Variants in LHPP observed in about 807,000 individuals in gnomAD.
The protein encoded by LHPP is phospholysine phosphohistidine inorganic pyrophosphate phosphatase, also known as hLHPP.
A neutral mutation model predicts 30.3 loss-of-function variants in LHPP; 24 were observed. The ratio of observed to expected loss-of-function variants is 0.79; its 90% CI spans 0.57 to 1.11. LHPP has a LOEUF of 1.11. Ranked by LOEUF, LHPP falls within the 50% of genes most tolerant of loss-of-function variation. LHPP has a pLI of 0.00. For missense variants in LHPP, 356 were observed against 367.2 expected, an observed-to-expected ratio of 0.97 and a Z score of 0.25; for synonymous variants, 150 against 157.1, an observed-to-expected ratio of 0.95 and a Z score of 0.34.
At chr10:124,498,759 T>C in intron 5 of LHPP, 1 of 452,852 alleles carries the variant, frequency 2.2e-6, no homozygotes, top group Non-Finnish European at 4.3e-6. Context: ...AGCCTGGACC[T>C]CCCAGGCTCA....
rs1949232865 is a variant in LHPP at position 124,613,680 on chromosome 10, T to C, written c.*320T>C. ...GACAGGCCTGTCAGGCCTCTGGGAA[T>C]CTCCCAAATCCCAGAACTCACCACT... On this transcript the variant is annotated 3_prime_UTR_variant, in exon 7 of 7. Transcript: ENST00000368842. 2.3e-6 allele frequency: 1 copy of C among 435,334 alleles called. No individual in the cohort carries two copies. Among genetic ancestry groups the C allele is most frequent in the Non-Finnish European group, 4.2e-6 (1 of 236,056 alleles). 27.0% of individuals were successfully genotyped at this position (435,334 alleles called of 1,614,324 possible).
chr10:124,608,405 C>G (rs562566419), intron 6 of LHPP, among the ~76,000 whole-genome samples: 4 of 152,194 alleles, frequency 2.6e-5, no homozygotes, highest in African/African-American at 9.7e-5. Flanking sequence ...TTAGCCACAA[C>G]AGCGCCCACA....
chr10:124,504,492 T>C (rs1589803753), intron 5 of LHPP, among the ~76,000 whole-genome samples: 2 of 146,150 alleles, frequency 1.4e-5, no homozygotes, highest in African/African-American at 5.1e-5. Flanking sequence ...TCCAGCTACT[T>C]GGGGGGCTGA....
chr10:124,562,305 TCAAA>T (rs3083576), intron 6 of LHPP, among the ~76,000 whole-genome samples: 16 of 150,170 alleles, frequency 1.1e-4, no homozygotes, highest in South Asian at 4.2e-4. Context: ...AGACCCTGTC[TCAAA>T]CAAACAAACA....
chr10:124,494,413 T>C (rs968226196), intron 3 of LHPP, among the ~76,000 whole-genome samples: 1 of 152,208 alleles, frequency 6.6e-6, no homozygotes, highest in Non-Finnish European at 1.5e-5. Context: ...TTTGTTGATT[T>C]CAGGTTTTCT....
At chr10:124,533,316 AG>A (rs1409006835) in intron 6 of LHPP, among the ~76,000 whole-genome samples, 1 of 152,256 alleles carries the variant, frequency 6.6e-6, no homozygotes, top group Non-Finnish European at 1.5e-5. Context: ...TGCACCCCCC[AG>A]AGCGGCTTCC....
intron 6 of LHPP, among the ~76,000 whole-genome samples, chr10:124,573,139 T>A (rs1016464271): frequency 6.6e-6 from 1 of 152,250 alleles, no homozygotes; most frequent in Non-Finnish European, 1.5e-5. Flanking sequence ...GTGTTTGTGT[T>A]TTAAAAATAA....
intron 1 of LHPP, among the ~76,000 whole-genome samples, chr10:124,482,955 C>A (rs1235558211): frequency 6.6e-6 from 1 of 152,236 alleles, no homozygotes; most frequent in Non-Finnish European, 1.5e-5. Flanking sequence ...ATGCTCACGA[C>A]TACAGCTCTG....
At chr10:124,569,464 C>T (rs777726759) in intron 6 of LHPP, among the ~76,000 whole-genome samples, 27 of 152,090 alleles carry the variant, frequency 1.8e-4, no homozygotes, top group Non-Finnish European at 2.9e-4. Flanking sequence ...AGTTCTGTCG[C>T]GGAAAGTCTG....
intron 5 of LHPP, among the ~76,000 whole-genome samples, chr10:124,514,628 CTGGCTTTGAGCAATT>C (rs1954399858): frequency 6.6e-6 from 1 of 152,170 alleles, no homozygotes; most frequent in Non-Finnish European, 1.5e-5. Context: ...CTCCTTGTCA[CTGGCTTTGAGCAATT>C]TGATTATGAT....
intron 5 of LHPP, among the ~76,000 whole-genome samples, chr10:124,513,673 C>G (rs1954374173): frequency 1.3e-5 from 2 of 150,708 alleles, no homozygotes; most frequent in African/African-American, 4.9e-5. Flanking sequence ...CCAGGCTGGT[C>G]TCGAACTCCT....
chr10:124,488,632 C>G (rs1412555594), intron 3 of LHPP, 57 bp downstream of exon 3: 4 of 1,496,776 alleles, frequency 2.7e-6, no homozygotes, highest in Non-Finnish European at 3.6e-6. Context: ...CTGTGCCAGT[C>G]TCCAACTTGC....
Position 124,522,725 on chromosome 10 carries a change from C to T in LHPP, c.716+5454C>T, listed in dbSNP as rs10901747. ...TGGGTAAGTGCACTGCTGCCCACGC[C>T]CCCCCCCAAGCACTGTCTGCTCCTC... On this transcript the variant is annotated intron_variant, in intron 6 of 6. Transcript: ENST00000368842. 3.6e-4 allele frequency among the ~76,000 whole-genome samples: 54 copies of T among 148,686 alleles called. 1 individual carries two copies. Among genetic ancestry groups the T allele is most frequent in the Middle Eastern group, 6.8e-3 (2 of 294 alleles).
rs369404616 is a variant in LHPP, at chr10:124,568,068, C to T, written c.717-45196C>T. ...GGGGGGGACTACAGGCGCGTGCCAC[C>T]ACGCCCGGCTAATTTTTTGTATTTT... On this transcript the variant is annotated intron_variant, in intron 6 of 6. Coordinates refer to ENST00000368842, the MANE Select transcript of LHPP (RefSeq NM_022126.4). Among the ~76,000 whole-genome samples, 40 of 152,172 alleles carry T rather than the reference C, an allele frequency of 2.6e-4. 1 individual carries two copies. The highest frequency in any genetic ancestry group is 8.7e-4 in the African/African-American group (36 of 41,468).
intron 1 of LHPP, among the ~76,000 whole-genome samples, chr10:124,477,533 CCA>C (rs1952988465): frequency 6.6e-6 from 1 of 152,158 alleles, no homozygotes; most frequent in Non-Finnish European, 1.5e-5. Flanking sequence ...CCTGCTGCCT[CCA>C]CACCCCTTTC....
intron 6 of LHPP, among the ~76,000 whole-genome samples, chr10:124,537,799 G>T (rs923073919): frequency 6.6e-6 from 1 of 152,370 alleles, no homozygotes; most frequent in African/African-American, 2.4e-5. Flanking sequence ...TCACGGGTGC[G>T]AGTAATTTAG....
intron 6 of LHPP, among the ~76,000 whole-genome samples, chr10:124,529,833 ATGCG>A (rs1357184536): frequency 6.6e-6 from 1 of 151,402 alleles, no homozygotes; most frequent in Non-Finnish European, 1.5e-5. Flanking sequence ...ACACACACAC[ATGCG>A]CACATGCACC....
At chr10:124,574,770 G>A (rs910384195) in intron 6 of LHPP, among the ~76,000 whole-genome samples, 1 of 152,102 alleles carries the variant, frequency 6.6e-6, no homozygotes, top group Admixed American at 6.5e-5. Flanking sequence ...GTCCAGAGGT[G>A]GGAGAGGGGC....
intron 6 of LHPP, among the ~76,000 whole-genome samples, chr10:124,577,949 C>T (rs766517718): frequency 1.3e-5 from 2 of 152,140 alleles, no homozygotes; most frequent in Non-Finnish European, 2.9e-5. Context: ...CACACACAGC[C>T]CCATCCTGGG....
Sources: allele counts gnomAD v4.1 joint callset (sites outside exome capture counted in the v4.1 genomes callset), GRCh38; gene constraint gnomAD v4.1.1; transcripts MANE v1.5; gene names NCBI Gene and HGNC (gene_info 2026-07-23, HGNC 2026-07-21).